Variants in SMC1B observed in about 807,000 individuals in gnomAD.
SMC1B encodes the protein structural maintenance of chromosomes protein 1B.
Under a neutral mutation model 157.9 loss-of-function variants are expected in SMC1B, and 60 were observed. The ratio of observed to expected loss-of-function variants is 0.38; its 90% confidence interval spans 0.31 to 0.47. The LOEUF is 0.47. Ranked by LOEUF, SMC1B falls within the 20% of genes least tolerant of loss-of-function variation. SMC1B has a pLI of 0.99. For missense variants in SMC1B, 1,165 were observed against 1,426.2 expected, an observed-to-expected ratio of 0.82 and a Z score of 2.95; for synonymous variants, 445 against 483.0, an observed-to-expected ratio of 0.92 and a Z score of 1.03.
intron 4 of SMC1B, among the ~76,000 whole-genome samples, chr22:45,402,987 GT>G (rs1246971224): frequency 6.6e-6 from 1 of 152,166 alleles, no homozygotes; most frequent in African/African-American, 2.4e-5. Context: ...ACAGGAAGTA[GT>G]TTTTCTACCG....
intron 10 of SMC1B, among the ~76,000 whole-genome samples, chr22:45,389,356 G>A (rs562397256): frequency 6.6e-6 from 1 of 152,212 alleles, no homozygotes; most frequent in Non-Finnish European, 1.5e-5. Flanking sequence ...AATTGAGGCT[G>A]AGTTGGCATT....
chr22:45,409,710 T>C (rs1476306701), intron 1 of SMC1B, among the ~76,000 whole-genome samples: 1 of 152,186 alleles, frequency 6.6e-6, no homozygotes, highest in African/African-American at 2.4e-5. Flanking sequence ...GCAGGCTTGA[T>C]ACTGTTATCT....
chr22:45,406,141 C>A (rs1247344770), intron 4 of SMC1B, among the ~76,000 whole-genome samples: 1 of 152,050 alleles, frequency 6.6e-6, no homozygotes, highest in East Asian at 1.9e-4. Flanking sequence ...TCTTTGGGGT[C>A]CTCAATAATT....
chr22:45,396,561 G>A, intron 6 of SMC1B, 75 bp from the exon 7 acceptor site: 6 of 1,268,120 alleles, frequency 4.7e-6, no homozygotes, highest in Admixed American at 2.5e-5. Flanking sequence ...ATGAAATCCT[G>A]TACTAGAAGA....
chr22:45,397,536 A>G (rs1035877891), intron 6 of SMC1B, among the ~76,000 whole-genome samples: 7 of 152,184 alleles, frequency 4.6e-5, no homozygotes, highest in African/African-American at 2.4e-5. Flanking sequence ...TTTAAAGCCT[A>G]GCTACAAGTG....
intron 1 of SMC1B, among the ~76,000 whole-genome samples, chr22:45,412,491 G>C (rs1206442502): frequency 2.2e-5 from 3 of 137,830 alleles, no homozygotes; most frequent in Non-Finnish European, 3.1e-5. Context: ...GAGCCACCGC[G>C]CCCAGCCTTT....
At chr22:45,369,581 C>A (rs1248147055) in intron 15 of SMC1B, among the ~76,000 whole-genome samples, 3 of 138,602 alleles carry the variant, frequency 2.2e-5, no homozygotes, top group African/African-American at 5.4e-5. Context: ...CTCGCTCCAT[C>A]GTCCAGGCTG....
At chr22:45,355,370 CTTCA>C (rs2086659853) in intron 19 of SMC1B, among the ~76,000 whole-genome samples, 1 of 152,148 alleles carries the variant, frequency 6.6e-6, no homozygotes, top group Non-Finnish European at 1.5e-5. Context: ...TATACTTCAC[CTTCA>C]TTTATTTAAA....
Position 45,362,986 on chromosome 22 carries a change from G to A in SMC1B, c.2461C>T (p.Leu821Phe). ...EKQKTRLNVQLEYSRSHLKKK... is the reference protein window; with the variant it reads ...EKQKTRLNVQFEYSRSHLKKK... ...TTAAGGTGACTGCGACTATACTCAAGTTGAACATTAAGCCGAGTTTTTTGT... is the reference window on the plus strand; with the variant it reads ...TTAAGGTGACTGCGACTATACTCAAATTGAACATTAAGCCGAGTTTTTTGT... The change falls in exon 16 of 25, where the codon CTT (leucine) becomes TTT (phenylalanine). Residue 821 changes from leucine to phenylalanine, a missense_variant. Physicochemically the swap from Leu to Phe is conservative, Grantham distance 22. Transcript: ENST00000357450. The A allele has an allele frequency of 6.3e-7, 1 of 1,594,288 alleles. No homozygotes were observed. The highest frequency in any genetic ancestry group is 8.5e-7 in the Non-Finnish European group (1 of 1,173,400).
In SMC1B at chr22:45,405,444, C is replaced by T. The variant is rs377435574; in HGVS notation, c.615+1016G>A. Among the ~76,000 whole-genome samples, 12 of 151,484 alleles carry T rather than the reference C, an allele frequency of 7.9e-5. No homozygotes were observed. The East Asian group carries it at 1.2e-3, about 15-fold the overall frequency. ...GCGGGCACCTGTAGTCCCAGCTACT[C>T]GGGAGGCTGAGGCAGGAGAATGGCG... On this transcript the variant is annotated intron_variant, in intron 4 of 24. Coordinates refer to ENST00000357450, the MANE Select transcript of SMC1B (RefSeq NM_148674.5).
chr22:45,366,064 C>T, intron 15 of SMC1B, among the ~76,000 whole-genome samples: 1 of 152,184 alleles, frequency 6.6e-6, no homozygotes. Flanking sequence ...CCCTCTGTCA[C>T]CTAGGCTGGA....
chr22:45,407,690 C>A (rs1238506256), intron 2 of SMC1B, among the ~76,000 whole-genome samples: 1 of 152,148 alleles, frequency 6.6e-6, no homozygotes, highest in African/African-American at 2.4e-5. Flanking sequence ...TTCAAGCAAT[C>A]GTCCTGCTGT....
At chr22:45,393,868 C>T in intron 8 of SMC1B, 27 bp from the exon 9 acceptor site, 1 of 1,555,272 alleles carries the variant, frequency 6.4e-7, no homozygotes, top group Non-Finnish European at 8.7e-7. Flanking sequence ...AATTATACAG[C>T]AAAATGATAA....
rs186457687 is a variant in SMC1B, at chr22:45,362,794, C to A, written c.2562+91G>T. 703 of 1,037,302 alleles carry A rather than the reference C, an allele frequency of 6.8e-4. 3 individuals are homozygous for A. Among genetic ancestry groups the A allele is most frequent in the Non-Finnish European group, 8.7e-4 (603 of 694,610 alleles). 64.3% of individuals were successfully genotyped at this position (1,037,302 alleles called of 1,614,324 possible). On this transcript the variant is annotated intron_variant, in intron 16 of 24. Coordinates refer to ENST00000357450, the MANE Select transcript of SMC1B (RefSeq NM_148674.5). Reference sequence around the variant, plus strand: ...AATCTGTCCCCAACCCCTTCACTAACAGGACCCTTCAGGAGCGCACAAAAG... The same window carrying A: ...AATCTGTCCCCAACCCCTTCACTAAAAGGACCCTTCAGGAGCGCACAAAAG...
At chr22:45,405,566 G>A (rs2087250181) in intron 4 of SMC1B, among the ~76,000 whole-genome samples, 1 of 152,012 alleles carries the variant, frequency 6.6e-6, no homozygotes, top group East Asian at 1.9e-4. Flanking sequence ...AGTGCAGTGA[G>A]AAGCACTGCA....
chr22:45,357,421 C>T (rs1243390968), intron 19 of SMC1B, among the ~76,000 whole-genome samples: 1 of 152,250 alleles, frequency 6.6e-6, no homozygotes, highest in African/African-American at 2.4e-5. Flanking sequence ...GGGTGTGCCA[C>T]ACCATCACCT....
intron 19 of SMC1B, among the ~76,000 whole-genome samples, chr22:45,356,174 T>G (rs1328214158): frequency 1.3e-5 from 2 of 150,932 alleles, no homozygotes; most frequent in Non-Finnish European, 3.0e-5. Context: ...TTTTTTTTTG[T>G]AATGCAGCAC....
In SMC1B at chr22:45,362,901, A is replaced by G. The variant is rs759486228; in HGVS notation, c.2546T>C (p.Ile849Thr). 12 of 1,595,356 alleles carry G rather than the reference A, an allele frequency of 7.5e-6. No homozygotes were observed. The highest frequency in any genetic ancestry group is 2.2e-5 in the East Asian group (1 of 44,644). The change falls in exon 16 of 25, where the codon ATT (isoleucine) becomes ACT (threonine). Residue 849 changes from isoleucine to threonine, a missense_variant. By Grantham distance (89) the Ile-to-Thr change is moderately conservative. Coordinates refer to ENST00000357450, the MANE Select transcript of SMC1B (RefSeq NM_148674.5). Reference sequence around the variant, plus strand: ...ATTAATTACCTTCTTTAGGTGATCAATATCTTCACTACCTTTCTGGATAGT... The same window carrying G: ...ATTAATTACCTTCTTTAGGTGATCAGTATCTTCACTACCTTTCTGGATAGT... ...KETIQKGSEDIDHLKKAEENC... is the reference protein window; with the variant it reads ...KETIQKGSEDTDHLKKAEENC...
rs144666545 is a variant in SMC1B, at chr22:45,362,492, T to C, written c.2562+393A>G. ...CAACCATTCTCATGTGGTTTCAGTT[T>C]ACTCCCATAAACCAGCAACTCCCAA... On this transcript the variant is annotated intron_variant, in intron 16 of 24. Coordinates refer to ENST00000357450, the MANE Select transcript of SMC1B (RefSeq NM_148674.5). 3.9e-5 allele frequency among the ~76,000 whole-genome samples: 6 copies of C among 152,292 alleles called. No homozygotes were observed. The East Asian group carries it at 1.2e-3, about 29-fold the overall frequency.
Sources: gnomAD v4.1 joint callset for allele counts (sites outside exome capture counted in the v4.1 genomes callset) on GRCh38, gnomAD v4.1.1 for gene constraint, MANE v1.5 for transcripts, NCBI Gene and HGNC (gene_info 2026-07-23, HGNC 2026-07-21) for gene names.